Variants in FREM1 observed in about 807,000 individuals in gnomAD.
The protein encoded by FREM1 is FRAS1 related extracellular matrix 1.
FREM1 carries 220 observed loss-of-function variants against 210.1 expected under a neutral mutation model. That is an observed-to-expected ratio of 1.05 (90% CI 0.94 to 1.17). The LOEUF is 1.17. FREM1 is among the 50% of genes most tolerant of loss of function. The pLI is 0.00. For missense variants in FREM1, 3,454 were observed against 2,675.5 expected (o/e 1.29, Z -6.42); for synonymous variants, 1,189 against 980.2 (o/e 1.21, Z -3.98).
intron 27 of FREM1, among the ~76,000 whole-genome samples, chr9:14,766,066 G>T (rs188151403): frequency 6.6e-6 from 1 of 152,072 alleles, no homozygotes; most frequent in African/African-American, 2.4e-5. Context: ...GCCAGGGGGT[G>T]AGGCAATAAG....
Position 14,857,618 on chromosome 9 carries a change from G to C in FREM1, c.763C>G (p.Pro255Ala). 4 of 1,613,876 alleles carry C rather than the reference G, an allele frequency of 2.5e-6. No homozygotes were observed. The highest frequency in any genetic ancestry group is 3.4e-6 in the Non-Finnish European group (4 of 1,179,844). The change falls in exon 5 of 37, where the codon CCC becomes GCC. Residue 255 changes from proline to alanine, a missense_variant. Transcript: ENST00000380880. ...LRYQHLDPPS[P>A]NIDYISIQLD... ...TGGATGGAGATATAATCAATGTTGGGTGAAGGGGGATCCAGATGCTGATAA... is the reference window on the plus strand; with the variant it reads ...TGGATGGAGATATAATCAATGTTGGCTGAAGGGGGATCCAGATGCTGATAA...
At chr9:14,879,914 A>G (rs777416068) in intron 1 of FREM1, among the ~76,000 whole-genome samples, 1 of 152,214 alleles carries the variant, frequency 6.6e-6, no homozygotes, top group Non-Finnish European at 1.5e-5. Context: ...GACTGAAGAA[A>G]GATGAGGGGG....
intron 10 of FREM1, among the ~76,000 whole-genome samples, chr9:14,837,728 GA>G (rs112706032): frequency 3.2e-4 from 48 of 152,192 alleles, no homozygotes; most frequent in African/African-American, 6.3e-4. Context: ...TAATTGGGGG[GA>G]AAAAATCATG....
At chr9:14,820,406 C>T (rs1588163760) in intron 13 of FREM1, among the ~76,000 whole-genome samples, 2 of 152,280 alleles carry the variant, frequency 1.3e-5, no homozygotes, top group East Asian at 1.9e-4. Flanking sequence ...GAGGATGCAG[C>T]AGTTCTCCTA....
intron 20 of FREM1, 47 bp from the exon 21 acceptor site, chr9:14,797,689 A>G (rs1449882466): frequency 6.8e-7 from 1 of 1,479,712 alleles, no homozygotes; most frequent in Non-Finnish European, 9.3e-7. Context: ...TGATTGAACC[A>G]TCATGACATA....
In FREM1 at chr9:14,824,016, T is replaced by A. The variant is rs566971233; in HGVS notation, c.2169+9A>T. 3.9e-6 allele frequency: 6 copies of A among 1,547,660 alleles called. No individual in the cohort carries two copies. Among genetic ancestry groups the A allele is most frequent in the Admixed American group, 1.8e-5 (1 of 55,374 alleles). On this transcript the variant is annotated intron_variant, in intron 12 of 36. Transcript: ENST00000380880. The stretch of plus-strand genomic sequence containing the variant: ...TCATGTTTGTCAGCATTTTAGCATA[T>A]CCTCATACCTGAGTGAATGACCTCA...
chr9:14,873,952 T>C (rs1039716046), intron 1 of FREM1, among the ~76,000 whole-genome samples: 48 of 152,332 alleles, frequency 3.2e-4, no homozygotes, highest in Non-Finnish European at 5.9e-4. Flanking sequence ...GAGCAGGTTG[T>C]TCAGTTTCCA....
At chr9:14,757,758 A>T (rs1032175764) in intron 28 of FREM1, among the ~76,000 whole-genome samples, 5 of 152,314 alleles carry the variant, frequency 3.3e-5, no homozygotes, top group African/African-American at 1.2e-4. Context: ...ATGGCCTCAG[A>T]CAATATGTCC....
rs768567968 is a variant in FREM1 at position 14,824,020 on chromosome 9, C to A, written c.2169+5G>T. 1 of 1,568,168 alleles carries A rather than the reference C, an allele frequency of 6.4e-7. No individual in the cohort carries two copies. Among genetic ancestry groups the A allele is most frequent in the South Asian group, 1.2e-5 (1 of 85,910 alleles). ...GTTTGTCAGCATTTTAGCATATCCT[C>A]ATACCTGAGTGAATGACCTCAGCTC... On this transcript the variant is annotated splice_donor_5th_base_variant and intron_variant, in intron 12 of 36. Coordinates refer to ENST00000380880, the MANE Select transcript of FREM1 (RefSeq NM_001379081.2).
At chr9:14,874,073 G>T (rs62323651) in intron 1 of FREM1, among the ~76,000 whole-genome samples, 3,822 of 152,230 alleles carry the variant, frequency 0.025, 135 homozygotes, top group African/African-American at 0.078. Flanking sequence ...TTGCTGAGAA[G>T]AGCTTTACTT....
intron 1 of FREM1, among the ~76,000 whole-genome samples, chr9:14,899,614 C>T (rs907299451): frequency 7.2e-5 from 11 of 152,130 alleles, no homozygotes; most frequent in African/African-American, 2.4e-4. Context: ...GTCAGAGAAA[C>T]ATTTTAAAAG....
chr9:14,784,705 GACAAAGGCCAAA>G, intron 23 of FREM1, 71 bp from the exon 24 acceptor site: 1 of 1,218,366 alleles, frequency 8.2e-7, no homozygotes, highest in Non-Finnish European at 1.1e-6. Flanking sequence ...AAAGGCAGAA[GACAAAGGCCAAA>G]ACTGTGCAAA....
chr9:14,860,011 A>T (rs953181113), intron 3 of FREM1, among the ~76,000 whole-genome samples: 22 of 152,138 alleles, frequency 1.4e-4, no homozygotes, highest in African/African-American at 5.3e-4. Context: ...CCACTTAGCA[A>T]CTTTAATCTC....
intron 5 of FREM1, among the ~76,000 whole-genome samples, chr9:14,855,435 G>C (rs1378890467): frequency 6.6e-6 from 1 of 152,078 alleles, no homozygotes; most frequent in Non-Finnish European, 1.5e-5. Flanking sequence ...TAAAAATCTA[G>C]AAGAAATTAT....
chr9:14,889,155 C>T (rs1266091367), intron 1 of FREM1, among the ~76,000 whole-genome samples: 2 of 152,100 alleles, frequency 1.3e-5, no homozygotes, highest in African/African-American at 4.8e-5. Context: ...ATAAATCGGT[C>T]TGTTTCTCTA....
intron 1 of FREM1, among the ~76,000 whole-genome samples, chr9:14,871,081 T>G (rs948732736): frequency 3.3e-5 from 5 of 152,098 alleles, no homozygotes; most frequent in Non-Finnish European, 7.4e-5. Flanking sequence ...TGGTTCCAAG[T>G]CTTTGCTATT....
Position 14,746,971 on chromosome 9 carries a change from C to G in FREM1, c.6090G>C (p.Leu2030=), listed in dbSNP as rs1352136888. Residue 2030 remains leucine (L), a synonymous_variant, in exon 34 of 37, where the codon CTG becomes CTC. Transcript: ENST00000380880. ...TCCAGGCGATCCCATTGCACTGATA[C>G]AGCTTCTGGATGCCTTCTTCAAAAT... ...LFHFEEGIQK[L]YQCNGIAWKA... 1 of 1,613,436 alleles carries G rather than the reference C, an allele frequency of 6.2e-7. No individual in the cohort carries two copies. Among genetic ancestry groups the G allele is most frequent in the Admixed American group, 1.7e-5 (1 of 59,916 alleles).
In FREM1 at chr9:14,859,221, G is replaced by C. The variant is rs201554187; in HGVS notation, c.593C>G (p.Pro198Arg). 33 of 1,606,492 alleles carry C rather than the reference G, an allele frequency of 2.1e-5. 1 individual carries two copies. The African/African-American group carries it at 2.8e-4, about 14-fold the overall frequency. The change falls in exon 4 of 37, where the codon CCT becomes CGT. Residue 198 changes from proline to arginine, a missense_variant. Transcript: ENST00000380880. ...MVLGEPRPEEPRGDQPHSFFP... is the reference protein window; with the variant it reads ...MVLGEPRPEERRGDQPHSFFP... The stretch of plus-strand genomic sequence containing the variant: ...AAAACTGTGTGGCTGATCTCCACGA[G>C]GTTCTTCTGGTCGAGGCTCCCCGAG...
At chr9:14,893,718 T>C (rs1055201058) in intron 1 of FREM1, among the ~76,000 whole-genome samples, 3 of 152,224 alleles carry the variant, frequency 2.0e-5, no homozygotes, top group Non-Finnish European at 4.4e-5. Context: ...AAGTAAAATG[T>C]GTTTTTGGTA....
Sources: gnomAD v4.1 joint callset for allele counts (sites outside exome capture counted in the v4.1 genomes callset) on GRCh38, gnomAD v4.1.1 for gene constraint, MANE v1.5 for transcripts, NCBI Gene and HGNC (gene_info 2026-07-23, HGNC 2026-07-21) for gene names.